DRC1: variants seen among roughly 807,000 people sequenced by gnomAD.
DRC1 encodes the protein dynein regulatory complex protein 1.
DRC1 carries 74 observed loss-of-function variants against 98.7 expected under a neutral mutation model. The observed-to-expected ratio is 0.75, with a 90% CI of 0.62 to 0.91. The LOEUF (loss-of-function observed/expected upper bound fraction) is 0.91, where lower values mean the gene tolerates loss of function less well. Ranked by LOEUF, DRC1 falls within the 40% of genes least tolerant of loss-of-function variation. The probability of loss-of-function intolerance (pLI) is 0.00; values close to 1 mark genes in which losing one functional copy is unlikely to be tolerated. For synonymous variants in DRC1, 336 were observed against 334.1 expected (o/e 1.01, Z -0.06); for missense variants, 875 against 886.0 (o/e 0.99, Z 0.16).
At chr2:26,419,284 T>C (rs1663058394) in intron 2 of DRC1, among the ~76,000 whole-genome samples, 2 of 152,208 alleles carry the variant, frequency 1.3e-5, no homozygotes, top group Admixed American at 1.3e-4. Flanking sequence ...TCCCTGGATC[T>C]CATAAAGGTG....
At chr2:26,430,468 A>G (rs756528812) in intron 5 of DRC1, 3 of 498,986 alleles carry the variant, frequency 6.0e-6, no homozygotes, top group Admixed American at 2.3e-5. Context: ...CAGTTGAATT[A>G]CACACCATGG....
chr2:26,420,372 CCTGCCTCACTGTCATTAT>C (rs70950190), intron 2 of DRC1, among the ~76,000 whole-genome samples: 36,036 of 151,278 alleles, frequency 0.24, 5,096 homozygotes, highest in Middle Eastern at 0.32. Context: ...GCTGTCATTA[CCTGCCTCACTGTCATTAT>C]CTGCCTCACT....
chr2:26,405,472 C>T lies in DRC1; in HGVS notation c.155+3328C>T, dbSNP rs550504084. 2.2e-4 allele frequency among the ~76,000 whole-genome samples: 34 copies of T among 152,008 alleles called. 1 individual carries two copies. The South Asian group carries it at 5.4e-3, about 24-fold the overall frequency. On this transcript the variant is annotated intron_variant, in intron 1 of 16. Coordinates refer to ENST00000288710, the MANE Select transcript of DRC1 (RefSeq NM_145038.5). ...TTATACATTTTGAAAAGAATCCTAACGGAAACAAGCAATGAGCAAATATGA... is the reference window on the plus strand; with the variant it reads ...TTATACATTTTGAAAAGAATCCTAATGGAAACAAGCAATGAGCAAATATGA...
At chr2:26,422,226 G>A (rs1020214540) in intron 3 of DRC1, among the ~76,000 whole-genome samples, 1 of 152,194 alleles carries the variant, frequency 6.6e-6, no homozygotes, top group Non-Finnish European at 1.5e-5. Context: ...TGGCATGATA[G>A]CGAAGGATGT....
At chr2:26,429,200 T>G (rs1214473462) in intron 4 of DRC1, among the ~76,000 whole-genome samples, 1,134 of 23,862 alleles carry the variant, frequency 0.048, 21 homozygotes, top group Middle Eastern at 0.18. Flanking sequence ...TTATTATTAT[T>G]ATTATTATTA....
Position 26,455,222 on chromosome 2 carries a change from C to G in DRC1, c.2155C>G (p.Leu719Val). 6.2e-7 allele frequency: 1 copy of G among 1,613,372 alleles called. No homozygotes were observed. Among genetic ancestry groups the G allele is most frequent in the East Asian group, 2.2e-5 (1 of 44,876 alleles). ...GCTGCAGGCGCTACTGCAGCAGTAT[C>G]TGAACTCCAAGGTGGGCGGCGGGGC... is the stretch of plus-strand genomic sequence containing the variant. ...TELQALLQQY[L>V]NSKINSELQV... The change falls in exon 16 of 17, where the codon CTG becomes GTG. Residue 719 changes from leucine to valine, a missense_variant. Leu to Val is a conservative substitution (Grantham distance 32). Coordinates refer to ENST00000288710, the MANE Select transcript of DRC1 (RefSeq NM_145038.5).
chr2:26,401,975 C>T lies in DRC1; in HGVS notation c.-15C>T, dbSNP rs9789650. ...TGGTGCGGAGGGAGCCGCCTAGGGA[C>T]CAGGGACTCCTGCCATGAATCCGCC... On this transcript the variant is annotated 5_prime_UTR_variant, in exon 1 of 17. Coordinates refer to ENST00000288710, the MANE Select transcript of DRC1 (RefSeq NM_145038.5). 42,979 of 1,590,130 alleles carry T rather than the reference C, an allele frequency of 0.027. 746 individuals carry two copies. The highest frequency in any genetic ancestry group is 0.082 in the East Asian group (3,603 of 43,732).
chr2:26,453,424 G>T lies in DRC1; in HGVS notation c.1794G>T (p.Lys598Asn), dbSNP rs1333888206. Residue 598 changes from lysine to asparagine, a missense_variant, in exon 14 of 17, where the codon AAG becomes AAT. Physicochemically the swap from Lys to Asn is moderately conservative, Grantham distance 94. Transcript: ENST00000288710. ...AGCAGACGGAGATGGAGGGAGAAAA[G>T]GAAGAAAGCCTGGTGGAAGGGGAGA... ...LAEQTEMEGE[K>N]EESLVEGEKE... 6.2e-7 allele frequency: 1 copy of T among 1,614,186 alleles called. No homozygotes were observed. Among genetic ancestry groups the T allele is most frequent in the South Asian group, 1.1e-5 (1 of 91,090 alleles).
intron 1 of DRC1, among the ~76,000 whole-genome samples, chr2:26,414,099 T>C (rs1295060215): frequency 7.2e-6 from 1 of 138,654 alleles, no homozygotes; most frequent in Non-Finnish European, 1.5e-5. Context: ...TATTTATATA[T>C]GAAGTACAAT....
At position 26,450,667 on chromosome 2, in the gene DRC1, T is replaced by C. The variant is rs148258928; in HGVS notation, c.1675T>C (p.Ser559Pro). The C allele has an allele frequency of 3.1e-6, 5 of 1,601,140 alleles. No homozygotes were observed. Among genetic ancestry groups the C allele is most frequent in the Non-Finnish European group, 4.3e-6 (5 of 1,174,312 alleles). The part of the protein sequence containing the change: ...FFLKYRAHRL[S>P]SSLQIKPCSQ... ...CCTTAAATATCGAGCTCACCGTTTA[T>C]CTTCCAGCCTCCAGGTAAGGCAAGG... Residue 559 changes from serine (S) to proline (P), a missense_variant, in exon 13 of 17, where the codon TCT becomes CCT. By Grantham distance (74) the Ser-to-Pro change is moderately conservative. Transcript: ENST00000288710.
At chr2:26,410,313 C>T (rs986151338) in intron 1 of DRC1, among the ~76,000 whole-genome samples, 3 of 149,534 alleles carry the variant, frequency 2.0e-5, no homozygotes, top group African/African-American at 7.3e-5. Context: ...CTCTTGTTGC[C>T]CAGGCTGGAG....
intron 1 of DRC1, among the ~76,000 whole-genome samples, chr2:26,409,472 TAACAAC>T (rs955483824): frequency 6.6e-6 from 1 of 152,196 alleles, no homozygotes; most frequent in African/African-American, 2.4e-5. Context: ...GCTGTTTCTT[TAACAAC>T]AACTAGGTAG....
chr2:26,455,015 G>A lies in DRC1; in HGVS notation c.2064-116G>A, dbSNP rs774699353. 8 of 1,384,646 alleles carry A rather than the reference G, an allele frequency of 5.8e-6. No individual in the cohort carries two copies. In the Admixed American group the frequency reaches 1.0e-4, roughly 18 times the overall value. The allele number at this position is 1,384,646 out of a possible 1,614,324, so 85.8% of individuals were successfully genotyped here. ...CTCACCTGGCGGCTGGGTGAAGAGT[G>A]TAGCTTCTGGAGTCTCCCTCCACCT... On this transcript the variant is annotated intron_variant, in intron 15 of 16. Coordinates refer to ENST00000288710, the MANE Select transcript of DRC1 (RefSeq NM_145038.5).
At chr2:26,423,500 G>A (rs1663203675) in intron 3 of DRC1, among the ~76,000 whole-genome samples, 1 of 152,146 alleles carries the variant, frequency 6.6e-6, no homozygotes, top group Non-Finnish European at 1.5e-5. Flanking sequence ...CCCCAGCTCA[G>A]CTCTCCTGCC....
At chr2:26,449,956 A>C in intron 11 of DRC1, 40 bp from the exon 12 acceptor site, 1 of 1,592,294 alleles carries the variant, frequency 6.3e-7, no homozygotes, top group Non-Finnish European at 8.6e-7. Context: ...CGCTCCTGAA[A>C]CCTGTCCCCG....
chr2:26,453,941 G>A lies in DRC1; in HGVS notation c.1919+392G>A, dbSNP rs558920002. 1.5e-3 allele frequency among the ~76,000 whole-genome samples: 231 copies of A among 152,292 alleles called. 1 individual carries two copies. The highest frequency in any genetic ancestry group is 5.3e-3 in the African/African-American group (222 of 41,564). On this transcript the variant is annotated intron_variant, in intron 14 of 16. Transcript: ENST00000288710. ...GGAGGAAATGGCACTGGAACTAGGT[G>A]TTCCCAGGCAGATAAAATGGAGGTA... is the stretch of plus-strand genomic sequence containing the variant.
intron 7 of DRC1, among the ~76,000 whole-genome samples, chr2:26,432,721 C>T (rs545037142): frequency 2.0e-5 from 3 of 152,258 alleles, no homozygotes; most frequent in African/African-American, 7.2e-5. Flanking sequence ...GTCAGAGAGC[C>T]AAAGCTAGGA....
rs114396378 is a variant in DRC1 at position 26,430,947 on chromosome 2, C to T, written c.765+75C>T. On this transcript the variant is annotated intron_variant, in intron 6 of 16. Transcript: ENST00000288710. The stretch of plus-strand genomic sequence containing the variant: ...TATTGTGACTGAATTTGCTAGCTAG[C>T]CTTTTTCTATCTTTTTTTTTTTTTT... The T allele has an allele frequency of 1.5e-3, 1,489 of 1,009,518 alleles. 4 individuals carry two copies. The highest frequency in any genetic ancestry group is 1.9e-3 in the Non-Finnish European group (1,311 of 703,684). 62.5% of individuals were successfully genotyped at this position (1,009,518 alleles called of 1,614,324 possible).
intron 3 of DRC1, among the ~76,000 whole-genome samples, chr2:26,422,408 G>C (rs1181173405): frequency 6.6e-6 from 1 of 152,166 alleles, no homozygotes; most frequent in Non-Finnish European, 1.5e-5. Context: ...GGTTCACAGG[G>C]ATCACAAGAA....
Sources: allele counts gnomAD v4.1 joint callset (sites outside exome capture counted in the v4.1 genomes callset), GRCh38; gene constraint gnomAD v4.1.1; transcripts MANE v1.5; gene names NCBI Gene and HGNC (gene_info 2026-07-23, HGNC 2026-07-21).